EGR2: variants seen among roughly 807,000 people sequenced by gnomAD.
The protein encoded by EGR2 is early growth response 2, also known as E3 SUMO-protein ligase EGR2.
Under a neutral mutation model 21.2 loss-of-function variants are expected in EGR2, and 2 were observed. That is an observed-to-expected ratio of 0.09 (90% CI 0.04 to 0.30). The LOEUF (loss-of-function observed/expected upper bound fraction) is 0.30, where lower values mean the gene tolerates loss of function less well. EGR2 is among the 10% of genes least tolerant of loss of function. The pLI, the probability that EGR2 is intolerant of heterozygous loss-of-function variation, is 1.00. For synonymous variants in EGR2, 282 were observed against 258.2 expected, an observed-to-expected ratio of 1.09 and a Z score of -0.88; for missense variants, 458 against 630.2, an observed-to-expected ratio of 0.73 and a Z score of 2.93.
In EGR2 at chr10:62,816,363, A is replaced by G; in HGVS notation, c.-334T>C. 5.7e-6 allele frequency: 7 copies of G among 1,228,346 alleles called. No individual in the cohort carries two copies. The highest frequency in any genetic ancestry group is 7.2e-6 in the Non-Finnish European group (7 of 969,498). The allele number at this position is 1,228,346 out of a possible 1,614,324, so 76.1% of individuals were successfully genotyped here. On this transcript the variant is annotated 5_prime_UTR_variant, in exon 1 of 2. Coordinates refer to ENST00000242480, the MANE Select transcript of EGR2 (RefSeq NM_000399.5). ...GCTATTAATCAATTGCTCCTCGCTCAGTTAGACGGAAAGTGTTGCTCTAAG... is the reference window on the plus strand; with the variant it reads ...GCTATTAATCAATTGCTCCTCGCTCGGTTAGACGGAAAGTGTTGCTCTAAG...
chr10:62,816,505 C>G (rs1842274139), upstream of EGR2: 1 of 455,304 alleles, frequency 2.2e-6, no homozygotes, highest in Non-Finnish European at 3.0e-6. Flanking sequence ...ACGGGCTCGG[C>G]CGCGCGGACT....
chr10:62,816,185 C>T lies in EGR2; in HGVS notation c.-156G>A. ...ACACACACCAAGAAAAAAAAATCAACAGAAATAAAAGTAGCAAACAAGTTG... is the reference window on the plus strand; with the variant it reads ...ACACACACCAAGAAAAAAAAATCAATAGAAATAAAAGTAGCAAACAAGTTG... On this transcript the variant is annotated 5_prime_UTR_variant, in exon 1 of 2. Transcript: ENST00000242480. 1 of 1,530,672 alleles carries T rather than the reference C, an allele frequency of 6.5e-7. No homozygotes were observed. Among genetic ancestry groups the T allele is most frequent in the South Asian group, 1.2e-5 (1 of 83,366 alleles). The allele number at this position is 1,530,672 out of a possible 1,614,324, so 94.8% of individuals were successfully genotyped here.
At position 62,812,874 on chromosome 10, in the gene EGR2, AAGGG is replaced by A; in HGVS notation, c.*329_*332del. On this transcript the variant is annotated 3_prime_UTR_variant, in exon 2 of 2. Coordinates refer to ENST00000242480, the MANE Select transcript of EGR2 (RefSeq NM_000399.5). Reference sequence around the variant, plus strand: ...TCAAAAACCTGTGATGGGTCAAAATAAGGGGAAGTGGGGTAGCAAAACCTAGTCA... The same window carrying A: ...TCAAAAACCTGTGATGGGTCAAAATAGAAGTGGGGTAGCAAAACCTAGTCA... 8.6e-6 allele frequency: 2 copies of A among 232,712 alleles called. No individual in the cohort carries two copies. Among genetic ancestry groups the A allele is most frequent in the South Asian group, 1.5e-4 (1 of 6,614 alleles). 14.4% of individuals were successfully genotyped at this position (232,712 alleles called of 1,614,324 possible).
At position 62,814,376 on chromosome 10, in the gene EGR2, G is replaced by T. The variant is rs769581130; in HGVS notation, c.262C>A (p.Gln88Lys). 1.1e-5 allele frequency: 18 copies of T among 1,614,050 alleles called. No individual in the cohort carries two copies. The highest frequency in any genetic ancestry group is 1.5e-5 in the Non-Finnish European group (18 of 1,180,042). ...AACTTGCCCATGTAAGTGAAGGTCTGGTTTCTAGGTGCAGAGACGGGAGCA... is the reference window on the plus strand; with the variant it reads ...AACTTGCCCATGTAAGTGAAGGTCTTGTTTCTAGGTGCAGAGACGGGAGCA... ...SFAPVSAPRN[Q>K]TFTYMGKFSI... is the part of the protein sequence containing the mutation. Residue 88 changes from glutamine (Q) to lysine (K), a missense_variant, in exon 2 of 2, where the codon CAG becomes AAG. Transcript: ENST00000242480. The surrounding 1 kb of genome is among the most constrained non-coding windows in gnomAD (Gnocchi z 4.8).
At position 62,813,898 on chromosome 10, in the gene EGR2, T is replaced by G. The variant is rs769998360; in HGVS notation, c.740A>C (p.Lys247Thr). 2 of 1,614,128 alleles carry G rather than the reference T, an allele frequency of 1.2e-6. No homozygotes were observed. Reference protein sequence around the residue: ...DLHGTAGPDRKPFPCPLDTLR... With the variant: ...DLHGTAGPDRTPFPCPLDTLR... ...GGTGTCCAGTGGGCAGGGAAAGGGC[T>G]TACGGTCTGGGCCAGCTGTACCATG... The change falls in exon 2 of 2, where the codon AAG becomes ACG. Residue 247 changes from lysine to threonine, a missense_variant. Physicochemically the swap from Lys to Thr is moderately conservative, Grantham distance 78. Coordinates refer to ENST00000242480, the MANE Select transcript of EGR2 (RefSeq NM_000399.5). This position sits in a 1 kb window ranked among gnomAD's most constrained non-coding sequence, Gnocchi z 5.7.
upstream of EGR2, among the ~76,000 whole-genome samples, chr10:62,817,863 G>A (rs1365068203): frequency 6.6e-6 from 1 of 152,238 alleles, no homozygotes; most frequent in Non-Finnish European, 1.5e-5. The surrounding 1 kb of genome is among the most constrained non-coding windows in gnomAD (Gnocchi z 4.4). Flanking sequence ...AGCCCGCAAT[G>A]GATAGCCGGG....
At position 62,813,274 on chromosome 10, in the gene EGR2, C is replaced by A. The variant is rs770380866; in HGVS notation, c.1364G>T (p.Ser455Ile). The A allele has an allele frequency of 2.5e-6, 4 of 1,569,302 alleles. No homozygotes were observed. The highest frequency in any genetic ancestry group is 3.5e-6 in the Non-Finnish European group (4 of 1,157,426). ...GGVQPGGTLCSSNSSSLGGGP... is the reference protein window; with the variant it reads ...GGVQPGGTLCISNSSSLGGGP... ...TCCGCCAAGACTGCTGCTGTTACTG[C>A]TGCACAGGGTACCCCCAGGCTGCAC... The change falls in exon 2 of 2, where the codon AGC becomes ATC. Residue 455 changes from serine to isoleucine, a missense_variant. Ser to Ile is a moderately radical substitution (Grantham distance 142). Around this residue, in one of 5 missense-constraint regions of EGR2, gnomAD observed 69 missense variants for 70.4 expected, o/e 0.98. Coordinates refer to ENST00000242480, the MANE Select transcript of EGR2 (RefSeq NM_000399.5). The surrounding 1 kb of genome is among the most constrained non-coding windows in gnomAD (Gnocchi z 5.7).
In EGR2 at chr10:62,813,557, T is replaced by C. The variant is rs147417827; in HGVS notation, c.1081A>G (p.Ile361Val). ...FSRSDELTRH[I>V]RIHTGHKPFQ... ...GGCTTATGCCCAGTGTGGATTCGGA[T>C]GTGCCGTGTCAGCTCGTCAGAGCGG... The change falls in exon 2 of 2, where the codon ATC becomes GTC. Residue 361 changes from isoleucine (I) to valine (V), a missense_variant. Physicochemically the swap from Ile to Val is conservative, Grantham distance 29. This residue lies in a region of EGR2 where 39 missense variants were observed against 113.7 expected (regional missense o/e 0.34). Coordinates refer to ENST00000242480, the MANE Select transcript of EGR2 (RefSeq NM_000399.5). The surrounding 1 kb of genome is among the most constrained non-coding windows in gnomAD (Gnocchi z 5.7). 1.6e-5 allele frequency: 25 copies of C among 1,612,672 alleles called. No homozygotes were observed. The highest frequency in any genetic ancestry group is 2.1e-5 in the Non-Finnish European group (25 of 1,179,876).
intron 1 of EGR2, among the ~76,000 whole-genome samples, 196 bp downstream of exon 1, chr10:62,815,665 T>G (rs914573393): frequency 6.6e-6 from 1 of 152,232 alleles, no homozygotes; most frequent in Non-Finnish European, 1.5e-5. Flanking sequence ...GCTGGCGACC[T>G]GGCGCATCTG....
At position 62,814,076 on chromosome 10, in the gene EGR2, A is replaced by G. The variant is rs561006361; in HGVS notation, c.562T>C (p.Phe188Leu). Reference sequence around the variant, plus strand: ...GTGGAGGTGGTGGCTGCTGACAGGAACGCAGAAGGGTCCTGGTAGAGGTCT... The same window carrying G: ...GTGGAGGTGGTGGCTGCTGACAGGAGCGCAGAAGGGTCCTGGTAGAGGTCT... ...AGDLYQDPSA[F>L]LSAATTSTSS... The change falls in exon 2 of 2, where the codon TTC (phenylalanine) becomes CTC (leucine). Residue 188 changes from phenylalanine (F) to leucine (L), a missense_variant. Physicochemically the swap from Phe to Leu is conservative, Grantham distance 22. Around this residue, in one of 5 missense-constraint regions of EGR2, gnomAD observed 253 missense variants for 315.5 expected, o/e 0.80. Coordinates refer to ENST00000242480, the MANE Select transcript of EGR2 (RefSeq NM_000399.5). The surrounding 1 kb of genome is among the most constrained non-coding windows in gnomAD (Gnocchi z 4.8). 3 of 1,613,964 alleles carry G rather than the reference A, an allele frequency of 1.9e-6. No homozygotes were observed. Among genetic ancestry groups the G allele is most frequent in the Non-Finnish European group, 2.5e-6 (3 of 1,179,944 alleles).
At position 62,813,816 on chromosome 10, in the gene EGR2, C is replaced by T. The variant is rs1334775177; in HGVS notation, c.822G>A (p.Gly274=). 2 of 1,613,836 alleles carry T rather than the reference C, an allele frequency of 1.2e-6. No homozygotes were observed. Among genetic ancestry groups the T allele is most frequent in the African/African-American group, 2.7e-5 (2 of 74,898 alleles). ...GTCCGGTCACCCCAGCACTGGGGCC[C>T]CCCAGGGTAAAGTTACGGATTGTAG... ...PLSTIRNFTL[G]GPSAGVTGPG... is the part of the protein sequence containing the mutation. The change falls in exon 2 of 2, where the codon GGG becomes GGA. Residue 274 remains glycine (G), a synonymous_variant. Coordinates refer to ENST00000242480, the MANE Select transcript of EGR2 (RefSeq NM_000399.5). This position sits in a 1 kb window ranked among gnomAD's most constrained non-coding sequence, Gnocchi z 5.7.
rs995575254 is a variant in EGR2 at position 62,813,112 on chromosome 10, G to A, written c.*95C>T. 1.5e-6 allele frequency: 2 copies of A among 1,356,318 alleles called. No homozygotes were observed. Among genetic ancestry groups the A allele is most frequent in the African/African-American group, 2.9e-5 (2 of 68,882 alleles). 84.0% of individuals were successfully genotyped at this position (1,356,318 alleles called of 1,614,324 possible). A position where few individuals can be genotyped will look rare whatever the true frequency, so the allele number is the denominator to read the frequency against. ...GCCCTTTGCCCAACAAAGGGAGAGAGGGACAGGAAAGGGTGGTAGTGTTTG... is the reference window on the plus strand; with the variant it reads ...GCCCTTTGCCCAACAAAGGGAGAGAAGGACAGGAAAGGGTGGTAGTGTTTG... On this transcript the variant is annotated 3_prime_UTR_variant, in exon 2 of 2. Coordinates refer to ENST00000242480, the MANE Select transcript of EGR2 (RefSeq NM_000399.5). This position sits in a 1 kb window ranked among gnomAD's most constrained non-coding sequence, Gnocchi z 5.7.
At chr10:62,818,751 G>C (rs964627097), upstream of EGR2, 2 of 358,790 alleles carry the variant, frequency 5.6e-6, no homozygotes, top group Non-Finnish European at 8.4e-6. Flanking sequence ...GGCACCCACC[G>C]GCAGCAAGCG....
At chr10:62,818,583 CG>C, upstream of EGR2, 6 of 1,277,212 alleles carry the variant, frequency 4.7e-6, no homozygotes, top group Non-Finnish European at 6.1e-6. Flanking sequence ...GCGGGTCCCG[CG>C]GCCCCCGCGC....
upstream of EGR2, chr10:62,819,145 C>T (rs962085735): frequency 6.6e-6 from 1 of 152,392 alleles, no homozygotes; most frequent in Admixed American, 6.5e-5. Context: ...ACTCACACCT[C>T]CCCCTAAGAG....
chr10:62,817,316 CTCGCT>C (rs1162780227), upstream of EGR2, among the ~76,000 whole-genome samples: 9 of 152,160 alleles, frequency 5.9e-5, no homozygotes, highest in Admixed American at 2.0e-4. This position sits in a 1 kb window ranked among gnomAD's most constrained non-coding sequence, Gnocchi z 4.4. Flanking sequence ...CACACTCACA[CTCGCT>C]CCACTTCCGC....
Position 62,813,501 on chromosome 10 carries a change from G to A in EGR2, c.1137C>T (p.Phe379=), listed in dbSNP as rs775518833. ...PFQCRICMRN[F]SRSDHLTTHI... ...GGGTGGTGAGGTGGTCACTGCGGCT[G>A]AAGTTGCGCATGCAGATCCGACACT... is the stretch of plus-strand genomic sequence containing the variant. The change falls in exon 2 of 2, where the codon TTC becomes TTT. Residue 379 remains phenylalanine (F), a synonymous_variant. Transcript: ENST00000242480. The surrounding 1 kb of genome is among the most constrained non-coding windows in gnomAD (Gnocchi z 5.7). 18 of 1,614,084 alleles carry A rather than the reference G, an allele frequency of 1.1e-5. No individual in the cohort carries two copies. The South Asian group carries it at 1.9e-4, about 17-fold the overall frequency.
rs1201488766 is a variant in EGR2 at position 62,813,315 on chromosome 10, G to A, written c.1323C>T (p.Ala441=). Residue 441 remains alanine, a synonymous_variant, in exon 2 of 2, where the codon GCC becomes GCT. Coordinates refer to ENST00000242480, the MANE Select transcript of EGR2 (RefSeq NM_000399.5). The surrounding 1 kb of genome is among the most constrained non-coding windows in gnomAD (Gnocchi z 5.7). ...CAGGCTGCACGCCCCCAGAGCAGGA[G>A]GCTGTAGAGGGGGCTGGCACCGATG... The part of the protein sequence containing the change: ...PSASVPAPST[A]SCSGGVQPGG... 1.9e-6 allele frequency: 3 copies of A among 1,582,424 alleles called. No homozygotes were observed. Among genetic ancestry groups the A allele is most frequent in the Non-Finnish European group, 2.6e-6 (3 of 1,161,410 alleles).
chr10:62,818,230 C>T (rs956937787), upstream of EGR2, among the ~76,000 whole-genome samples: 3 of 152,266 alleles, frequency 2.0e-5, no homozygotes, highest in Admixed American at 6.5e-5. Context: ...GCGGTCAGGG[C>T]CCTGAGGCTG....
Sources: allele counts gnomAD v4.1 joint callset (sites outside exome capture counted in the v4.1 genomes callset), GRCh38; gene constraint gnomAD v4.1.1; regional missense constraint gnomAD v4.1.1; non-coding constraint Gnocchi (gnomAD v3.1); transcripts MANE v1.5; gene names NCBI Gene and HGNC (gene_info 2026-07-23, HGNC 2026-07-21).